PCDH15: variants seen among roughly 807,000 people sequenced by gnomAD.
The protein encoded by PCDH15 is protocadherin-15.
In PCDH15, 129 loss-of-function variants were observed where a neutral mutation model predicts 178.5. The observed-to-expected ratio is 0.72, with a 90% CI of 0.63 to 0.84. The LOEUF (loss-of-function observed/expected upper bound fraction) is 0.84. Ranked by LOEUF, PCDH15 falls within the 40% of genes least tolerant of loss-of-function variation. PCDH15 has a pLI of 0.00. For missense variants in PCDH15, 2,230 were observed against 2,099.9 expected (o/e 1.06, Z -1.21); for synonymous variants, 800 against 732.0 (o/e 1.09, Z -1.50).
At chr10:54,172,082 G>A (rs573991330) in intron 13 of PCDH15, among the ~76,000 whole-genome samples, 1 of 152,168 alleles carries the variant, frequency 6.6e-6, no homozygotes, top group African/African-American at 2.4e-5. Flanking sequence ...CTCAAGCCAA[G>A]CCATCGCATC....
At chr10:54,842,183 CGTGTGT>C (rs35175067) in intron 3 of PCDH15, among the ~76,000 whole-genome samples, 2,036 of 150,042 alleles carry the variant, frequency 0.014, 45 homozygotes, top group African/African-American at 0.047. Flanking sequence ...TGTATGTGTG[CGTGTGT>C]GTGTGTGTGT....
chr10:55,561,770 AT>A (rs2132099749), intron 2 of PCDH15, among the ~76,000 whole-genome samples: 1 of 151,984 alleles, frequency 6.6e-6, no homozygotes, highest in East Asian at 1.9e-4. Context: ...CACTTTTCAA[AT>A]TTCTTGAATT....
At chr10:55,045,889 C>T (rs1252064828) in intron 2 of PCDH15, among the ~76,000 whole-genome samples, 1 of 151,840 alleles carries the variant, frequency 6.6e-6, no homozygotes, top group Non-Finnish European at 1.5e-5. Context: ...TTTTCCCCGA[C>T]TTTTCACTTG....
At chr10:55,545,134 A>G (rs1325379341) in intron 2 of PCDH15, among the ~76,000 whole-genome samples, 1 of 152,166 alleles carries the variant, frequency 6.6e-6, no homozygotes, top group Non-Finnish European at 1.5e-5. Context: ...ATGAATCACT[A>G]AAGAAGACTA....
At position 55,385,693 on chromosome 10, in the gene PCDH15, C is replaced by CTATATATATA. The variant is rs57143868; in HGVS notation, c.-155-219052_-155-219043dup. ...AGCCCACTCTATCTTCTTCCTCTGC[C>CTATATATATA]TATATATATATATATATATATATAT... On this transcript the variant is annotated intron_variant, in intron 2 of 5. Coordinates refer to the PCDH15 transcript ENST00000613346. 3.6e-3 allele frequency among the ~76,000 whole-genome samples: 460 copies of CTATATATATA among 128,712 alleles called. 1 individual carries two copies. Among genetic ancestry groups the CTATATATATA allele is most frequent in the Middle Eastern group, 8.3e-3 (2 of 242 alleles). The allele number at this position is 128,712 out of a possible 152,430, so 84.4% of individuals were successfully genotyped here. A position where few individuals can be genotyped will look rare whatever the true frequency, so the allele number is the denominator to read the frequency against.
At chr10:55,428,816 T>A (rs1838817792) in intron 2 of PCDH15, among the ~76,000 whole-genome samples, 1 of 151,950 alleles carries the variant, frequency 6.6e-6, no homozygotes, top group South Asian at 2.1e-4. Flanking sequence ...ATGAATTACA[T>A]TTTTTGTATT....
intron 2 of PCDH15, among the ~76,000 whole-genome samples, chr10:54,899,352 G>C (rs780902600): frequency 2.6e-5 from 4 of 151,972 alleles, no homozygotes; most frequent in Non-Finnish European, 4.4e-5. Context: ...AATGGTGCTA[G>C]CTTTCTTTTT....
intron 21 of PCDH15, among the ~76,000 whole-genome samples, chr10:53,966,626 C>A (rs1276194178): frequency 6.6e-6 from 1 of 151,954 alleles, no homozygotes; most frequent in Admixed American, 6.6e-5. Flanking sequence ...TGGCTTTAAT[C>A]TTGGAAAAAA....
At chr10:55,317,112 G>A (rs1366188488) in intron 1 of PCDH15, among the ~76,000 whole-genome samples, 1 of 152,072 alleles carries the variant, frequency 6.6e-6, no homozygotes, top group East Asian at 1.9e-4. Context: ...TGGGAACCAG[G>A]GGCAGATAGG....
chr10:55,356,009 ACT>A (rs1383148780), intron 2 of PCDH15, among the ~76,000 whole-genome samples: 1 of 151,794 alleles, frequency 6.6e-6, no homozygotes, highest in African/African-American at 2.4e-5. Flanking sequence ...TCTGTTTGTA[ACT>A]CTGAAATATT....
chr10:55,125,163 T>TTGTG (rs34423359), intron 2 of PCDH15, among the ~76,000 whole-genome samples: 3,774 of 143,036 alleles, frequency 0.026, 69 homozygotes, highest in East Asian at 0.07. Context: ...TTTTTTTTAA[T>TTGTG]TGTGTGTGTG....
intron 3 of PCDH15, among the ~76,000 whole-genome samples, chr10:54,423,095 C>A (rs1955758785): frequency 6.6e-6 from 1 of 151,896 alleles, no homozygotes; most frequent in Non-Finnish European, 1.5e-5. Context: ...TGGCTTTTTG[C>A]TCTTCTAAGT....
At chr10:53,892,452 T>C (rs1039158230) in intron 26 of PCDH15, among the ~76,000 whole-genome samples, 2 of 152,200 alleles carry the variant, frequency 1.3e-5, no homozygotes, top group African/African-American at 4.8e-5. Flanking sequence ...TTCAAATTAA[T>C]AGGCATAAAT....
chr10:54,562,870 A>G (rs1338209157), intron 2 of PCDH15, among the ~76,000 whole-genome samples: 1 of 152,152 alleles, frequency 6.6e-6, no homozygotes, highest in Non-Finnish European at 1.5e-5. Context: ...TTAGGTCAAT[A>G]TTATACCCAC....
intron 3 of PCDH15, among the ~76,000 whole-genome samples, chr10:54,833,952 T>A (rs761150315): frequency 1.7e-4 from 26 of 152,122 alleles, no homozygotes. Flanking sequence ...TATTTTAATA[T>A]TTTTAACAAT....
chr10:55,313,433 A>G (rs1478194491), intron 1 of PCDH15, among the ~76,000 whole-genome samples: 1 of 152,194 alleles, frequency 6.6e-6, no homozygotes, highest in Non-Finnish European at 1.5e-5. Flanking sequence ...ACTGTGGAGA[A>G]CTAACCTCGT....
chr10:53,996,562 C>T (rs892624268), intron 20 of PCDH15, among the ~76,000 whole-genome samples: 9 of 152,078 alleles, frequency 5.9e-5, no homozygotes, highest in African/African-American at 2.2e-4. Context: ...CACTTAACTG[C>T]CATTAGGCTA....
At chr10:55,310,589 A>G (rs1843561089) in intron 1 of PCDH15, among the ~76,000 whole-genome samples, 1 of 152,218 alleles carries the variant, frequency 6.6e-6, no homozygotes, top group Non-Finnish European at 1.5e-5. Context: ...TTAACCAGTG[A>G]ATTTGATATG....
chr10:54,727,127 A>C (rs1330778949), intron 1 of PCDH15, among the ~76,000 whole-genome samples: 1 of 151,434 alleles, frequency 6.6e-6, no homozygotes, highest in Non-Finnish European at 1.5e-5. Flanking sequence ...TTCTCCAACA[A>C]AAAACAGCAG....
Sources: allele counts gnomAD v4.1 joint callset (sites outside exome capture counted in the v4.1 genomes callset), GRCh38; gene constraint gnomAD v4.1.1; transcripts MANE v1.5; gene names NCBI Gene and HGNC (gene_info 2026-07-23, HGNC 2026-07-21).